Variants in PLIN1 observed in about 807,000 individuals in gnomAD.
PLIN1 encodes perilipin 1.
PLIN1 carries 37 observed loss-of-function variants against 45.8 expected under a neutral mutation model. The observed-to-expected ratio is 0.81, with a 90% CI of 0.62 to 1.06. The LOEUF (loss-of-function observed/expected upper bound fraction) is 1.06, where lower values mean the gene tolerates loss of function less well. Ranked by LOEUF, PLIN1 falls within the 50% of genes least tolerant of loss-of-function variation. PLIN1 has a pLI of 0.00. For missense variants in PLIN1, 776 were observed against 716.5 expected, an observed-to-expected ratio of 1.08 and a Z score of -0.95; for synonymous variants, 340 against 309.2, an observed-to-expected ratio of 1.10 and a Z score of -1.05.
intron 2 of PLIN1, among the ~76,000 whole-genome samples, chr15:89,676,165 G>A (rs1255104595): frequency 1.3e-5 from 2 of 152,132 alleles, no homozygotes; most frequent in Non-Finnish European, 2.9e-5. Context: ...GTTAGTAGGA[G>A]GCAGAGTTCA....
In PLIN1 at chr15:89,664,387, T is replaced by C. The variant is rs1964298504; in HGVS notation, c.*1196A>G. The C allele has an allele frequency of 2.7e-5, 4 of 148,650 alleles. No individual in the cohort carries two copies. Among genetic ancestry groups the C allele is most frequent in the African/African-American group, 1.0e-4 (4 of 40,052 alleles). The allele number at this position is 148,650 out of a possible 1,614,324, so 9.2% of individuals were successfully genotyped here. A position where few individuals can be genotyped will look rare whatever the true frequency, so the allele number is the denominator to read the frequency against. On this transcript the variant is annotated 3_prime_UTR_variant, in exon 9 of 9. Transcript: ENST00000300055. ...AGACATTTTTGATAAGGACATTTAT[T>C]ATAGCATCGTTTGCAGTAGCAAAAA...
Position 89,669,647 on chromosome 15 carries a change from G to A in PLIN1, c.624C>T (p.Ala208=). 1 of 1,614,052 alleles carries A rather than the reference G, an allele frequency of 6.2e-7. No individual in the cohort carries two copies. Among genetic ancestry groups the A allele is most frequent in the Non-Finnish European group, 8.5e-7 (1 of 1,180,002 alleles). ...TTGGCTTGGCCTTGGGAGACTTCTG[G>A]GCTTGCTGGTGTCCAGGAGCAGGGG... ...ESAPAPGHQQ[A]QKSPKAKPSL... is the part of the protein sequence containing the mutation. The change falls in exon 6 of 9, where the codon GCC becomes GCT. Residue 208 remains alanine (A), a synonymous_variant. Coordinates refer to ENST00000300055, the MANE Select transcript of PLIN1 (RefSeq NM_002666.5).
intron 8 of PLIN1, 95 bp from the exon 9 acceptor site, chr15:89,666,037 C>T (rs1964335025): frequency 2.0e-6 from 2 of 977,878 alleles, no homozygotes; most frequent in South Asian, 2.2e-5. Context: ...ATTGTTCCCC[C>T]GGGAGCGGCC....
intron 6 of PLIN1, 67 bp from the exon 7 acceptor site, chr15:89,667,860 C>T (rs941080632): frequency 3.9e-6 from 6 of 1,534,904 alleles, no homozygotes; most frequent in African/African-American, 1.4e-5. Context: ...GCCCCAGCAG[C>T]CCAAGCCCCT....
chr15:89,673,151 A>G, intron 3 of PLIN1, 59 bp downstream of exon 3: 1 of 1,286,298 alleles, frequency 7.8e-7, no homozygotes, highest in South Asian at 1.3e-5. Context: ...AGGCGGACAG[A>G]CAGACTGGAA....
intron 3 of PLIN1, among the ~76,000 whole-genome samples, chr15:89,672,737 C>T (rs1375299941): frequency 6.6e-6 from 1 of 152,226 alleles, no homozygotes; most frequent in African/African-American, 2.4e-5. Context: ...CTGCCACCCC[C>T]ACCCGTCATG....
At chr15:89,667,474 G>A (rs931212134) in intron 7 of PLIN1, 128 bp downstream of exon 7, 2 of 1,421,226 alleles carry the variant, frequency 1.4e-6, no homozygotes, top group Non-Finnish European at 9.9e-7. Context: ...TGGGGGTGGG[G>A]TGAAGGGTGT....
chr15:89,675,444 A>AAAAAAC (rs1567080451), intron 2 of PLIN1, among the ~76,000 whole-genome samples: 1 of 138,562 alleles, frequency 7.2e-6, no homozygotes, highest in African/African-American at 2.7e-5. Flanking sequence ...AAAAAAAAAA[A>AAAAAAC]AAAGCTGGCC....
chr15:89,667,640 C>G lies in PLIN1; in HGVS notation c.925G>C (p.Glu309Gln), dbSNP rs763763914. 6.2e-7 allele frequency: 1 copy of G among 1,613,040 alleles called. No individual in the cohort carries two copies. Among genetic ancestry groups the G allele is most frequent in the Non-Finnish European group, 8.5e-7 (1 of 1,179,470 alleles). The change falls in exon 7 of 9, where the codon GAG becomes CAG. Residue 309 changes from glutamate (E) to glutamine (Q), a missense_variant. Transcript: ENST00000300055. ...TTCTCCTCAGTCTCCAATTCTTCCT[C>G]CTCCTCCGTGTCCTCTCCCTCCGTG... ...TDTEGEDTEE[E>Q]EELETEENKF...
At position 89,665,644 on chromosome 15, in the gene PLIN1, G is replaced by T; in HGVS notation, c.1508C>A (p.Pro503His). Residue 503 changes from proline to histidine, a missense_variant, in exon 9 of 9, where the codon CCC becomes CAC. By Grantham distance (77) the Pro-to-His change is moderately conservative. Coordinates refer to ENST00000300055, the MANE Select transcript of PLIN1 (RefSeq NM_002666.5). ...GCCCAGGATGGGCTCCATGACGCTG[G>T]GCCGGAAGAAGCTGTCGCTGACCCT... is the stretch of plus-strand genomic sequence containing the variant. Reference protein sequence around the residue: ...KRRVSDSFFRPSVMEPILGRT... With the variant: ...KRRVSDSFFRHSVMEPILGRT... 6.6e-7 allele frequency: 1 copy of T among 1,505,526 alleles called. No individual in the cohort carries two copies. The allele number at this position is 1,505,526 out of a possible 1,614,324, so 93.3% of individuals were successfully genotyped here. A position where few individuals can be genotyped will look rare whatever the true frequency, so the allele number is the denominator to read the frequency against.
Position 89,664,725 on chromosome 15 carries a change from A to G in PLIN1, c.*858T>C, listed in dbSNP as rs762612608. 5.0e-6 allele frequency: 2 copies of G among 398,640 alleles called. No individual in the cohort carries two copies. Among genetic ancestry groups the G allele is most frequent in the Non-Finnish European group, 1.0e-5 (2 of 198,084 alleles). 24.7% of individuals were successfully genotyped at this position (398,640 alleles called of 1,614,324 possible). A position where few individuals can be genotyped will look rare whatever the true frequency, so the allele number is the denominator to read the frequency against. ...GGAACAGGGGAGCTCGGGGAGAAAG[A>G]CACACATCCTTTTGCAATATTTGAA... On this transcript the variant is annotated 3_prime_UTR_variant, in exon 9 of 9. Transcript: ENST00000300055.
chr15:89,676,262 T>G (rs1339429340), intron 2 of PLIN1, among the ~76,000 whole-genome samples: 2 of 152,162 alleles, frequency 1.3e-5, no homozygotes, highest in Non-Finnish European at 2.9e-5. Flanking sequence ...GTTTGTTTGT[T>G]TTTTTGAGAT....
In PLIN1 at chr15:89,667,683, ATCC is replaced by A. The variant is rs1567076480; in HGVS notation, c.879_881del (p.Glu293del). On this transcript the variant is annotated inframe_deletion, in exon 7 of 9. Transcript: ENST00000300055. ...CCTCCGTGTCTGTCTGGTCCTCATG[ATCC>A]TCCTCCTGGGCGGCTGCGAGGCTGT... is the stretch of plus-strand genomic sequence containing the variant. 2.5e-6 allele frequency: 4 copies of A among 1,601,784 alleles called. No homozygotes were observed.
chr15:89,668,906 G>T (rs1372064523), intron 6 of PLIN1, among the ~76,000 whole-genome samples: 2 of 152,036 alleles, frequency 1.3e-5, no homozygotes, highest in African/African-American at 4.8e-5. Flanking sequence ...TTCTTTTCTG[G>T]CCTTAGTTTC....
At chr15:89,678,209 A>G (rs537874949) in intron 1 of PLIN1, among the ~76,000 whole-genome samples, 3 of 151,898 alleles carry the variant, frequency 2.0e-5, no homozygotes, top group East Asian at 4.0e-4. Context: ...AATGTTTCCT[A>G]TAAGAGTTCA....
At chr15:89,671,610 G>C in intron 3 of PLIN1, 46 bp from the exon 4 acceptor site, 1 of 1,368,788 alleles carries the variant, frequency 7.3e-7, no homozygotes, top group Non-Finnish European at 1.0e-6. Flanking sequence ...CCCTCCCCAT[G>C]AGAATCTAGC....
chr15:89,672,467 A>G (rs990949914), intron 3 of PLIN1, among the ~76,000 whole-genome samples: 1 of 152,180 alleles, frequency 6.6e-6, no homozygotes, highest in Non-Finnish European at 1.5e-5. Context: ...ATTTAAGGAG[A>G]TTGTAGCCAG....
At chr15:89,679,077 G>A (rs1177571099) in intron 1 of PLIN1, among the ~76,000 whole-genome samples, 174 bp downstream of exon 1, 17 of 152,028 alleles carry the variant, frequency 1.1e-4, no homozygotes, top group Admixed American at 9.8e-4. Flanking sequence ...TGAACTCCTG[G>A]GCTCAAGTGA....
chr15:89,674,380 C>T (rs901874447), intron 2 of PLIN1, among the ~76,000 whole-genome samples: 5 of 152,182 alleles, frequency 3.3e-5, no homozygotes, highest in Non-Finnish European at 7.3e-5. Context: ...CTTGTGCCTC[C>T]TGGGTAGCTG....
Sources: gnomAD v4.1 joint callset for allele counts (sites outside exome capture counted in the v4.1 genomes callset) on GRCh38, gnomAD v4.1.1 for gene constraint, MANE v1.5 for transcripts, NCBI Gene and HGNC (gene_info 2026-07-23, HGNC 2026-07-21) for gene names.